Variants in ABCD3 observed in about 807,000 individuals in gnomAD.
ABCD3 encodes ATP binding cassette subfamily D member 3, also known as ATP-binding cassette sub-family D member 3.
ABCD3 carries 41 observed loss-of-function variants against 105.5 expected under a neutral mutation model. The ratio of observed to expected loss-of-function variants is 0.39; its 90% confidence interval spans 0.30 to 0.50. The LOEUF (loss-of-function observed/expected upper bound fraction) is 0.50. Among genes scored for constraint, ABCD3 ranks in the 20% least tolerant of loss-of-function variants. ABCD3 has a pLI of 0.84. For synonymous variants in ABCD3, 258 were observed against 269.0 expected (o/e 0.96, Z 0.40); for missense variants, 622 against 806.3 (o/e 0.77, Z 2.77).
At chr1:94,414,169 A>G (rs1251895184), upstream of ABCD3, among the ~76,000 whole-genome samples, 2 of 152,146 alleles carry the variant, frequency 1.3e-5, no homozygotes, top group Non-Finnish European at 2.9e-5. Flanking sequence ...TTTGTGTGAG[A>G]TGCTAAGGCT....
chr1:94,385,574 C>T, the ABCD3 span, among the ~76,000 whole-genome samples: 1 of 152,224 alleles, frequency 6.6e-6, no homozygotes, highest in Non-Finnish European at 1.5e-5. Context: ...GGCTGTCATG[C>T]ACCTGGTGGT....
chr1:94,415,012 T>C (rs997745738), upstream of ABCD3, among the ~76,000 whole-genome samples: 4 of 152,152 alleles, frequency 2.6e-5, no homozygotes, highest in African/African-American at 9.7e-5. Flanking sequence ...CCCACTCCCA[T>C]GGCTAGCAAG....
chr1:94,500,008 G>C (rs924923668), intron 20 of ABCD3, among the ~76,000 whole-genome samples: 1 of 152,226 alleles, frequency 6.6e-6, no homozygotes, highest in South Asian at 2.1e-4. Flanking sequence ...TGAAATAGCT[G>C]AAGGTATTAG....
At chr1:94,441,782 T>C (rs1660143110) in intron 1 of ABCD3, among the ~76,000 whole-genome samples, 1 of 152,114 alleles carries the variant, frequency 6.6e-6, no homozygotes, top group Admixed American at 6.5e-5. Context: ...AAATCAAATA[T>C]GTTATTTGCT....
chr1:94,488,179 C>T (rs955428702), intron 13 of ABCD3, among the ~76,000 whole-genome samples, 196 bp downstream of exon 13: 2 of 152,096 alleles, frequency 1.3e-5, no homozygotes, highest in African/African-American at 4.8e-5. Context: ...TTGCGCAGTA[C>T]AGTAGATTAG....
At chr1:94,425,375 ATACTTT>A (rs1446700674) in intron 1 of ABCD3, among the ~76,000 whole-genome samples, 1 of 152,206 alleles carries the variant, frequency 6.6e-6, no homozygotes, top group Non-Finnish European at 1.5e-5. Context: ...CTTCATAACT[ATACTTT>A]TAAAGAAATA....
At chr1:94,475,821 T>C in intron 7 of ABCD3, 84 bp downstream of exon 7, 1 of 1,071,174 alleles carries the variant, frequency 9.3e-7, no homozygotes. Flanking sequence ...ATTGATTTTG[T>C]GGACATAACA....
chr1:94,424,926 T>G (rs1381182698), intron 1 of ABCD3, among the ~76,000 whole-genome samples: 1 of 152,218 alleles, frequency 6.6e-6, no homozygotes. Flanking sequence ...GCTAGAACTG[T>G]GGCTGGAATA....
chr1:94,435,244 C>A (rs1659853850), intron 1 of ABCD3, among the ~76,000 whole-genome samples: 1 of 152,018 alleles, frequency 6.6e-6, no homozygotes, highest in South Asian at 2.1e-4. Flanking sequence ...TATTCACCAT[C>A]AGGAGATATA....
the ABCD3 span, among the ~76,000 whole-genome samples, chr1:94,406,133 C>T: frequency 6.6e-6 from 1 of 150,906 alleles, no homozygotes; most frequent in Admixed American, 6.6e-5. Context: ...AACTTTTTTT[C>T]AAATGGTTAT....
At chr1:94,408,266 A>G in the ABCD3 span, among the ~76,000 whole-genome samples, 1 of 152,200 alleles carries the variant, frequency 6.6e-6, no homozygotes, top group Admixed American at 6.5e-5. Context: ...CACCGGGATC[A>G]GGGTAGCAGA....
intron 13 of ABCD3, among the ~76,000 whole-genome samples, 169 bp from the exon 14 acceptor site, chr1:94,489,556 C>T (rs1006819474): frequency 2.1e-5 from 3 of 144,814 alleles, no homozygotes; most frequent in Non-Finnish European, 4.5e-5. Flanking sequence ...TGCTCTCCTA[C>T]TGAAACATAA....
intron 1 of ABCD3, among the ~76,000 whole-genome samples, chr1:94,439,295 C>T (rs1337133932): frequency 1.3e-5 from 2 of 152,162 alleles, no homozygotes; most frequent in Non-Finnish European, 2.9e-5. Flanking sequence ...TTGCTTTTCC[C>T]TTTTAAATGA....
chr1:94,487,944 G>A lies in ABCD3; in HGVS notation c.1118G>A (p.Arg373Gln). The change falls in exon 13 of 23, where the codon CGA becomes CAA. Residue 373 changes from arginine (R) to glutamine (Q), a missense_variant. Physicochemically the swap from Arg to Gln is conservative, Grantham distance 43. This residue lies in a region of ABCD3 where 3 missense variants were observed against 20.0 expected (regional missense o/e 0.15). Transcript: ENST00000370214. ...MLLRMSQALG[R>Q]IVLAGREMTR... ...TTGCGAATGTCTCAAGCTCTGGGTCGAATAGTTTTGGCTGGGCGTGAAATG... is the reference window on the plus strand; with the variant it reads ...TTGCGAATGTCTCAAGCTCTGGGTCAAATAGTTTTGGCTGGGCGTGAAATG... 1 of 1,613,768 alleles carries A rather than the reference G, an allele frequency of 6.2e-7. No homozygotes were observed. Among genetic ancestry groups the A allele is most frequent in the Non-Finnish European group, 8.5e-7 (1 of 1,179,840 alleles).
chr1:94,442,732 G>A (rs1195726821), intron 1 of ABCD3, among the ~76,000 whole-genome samples: 1 of 152,126 alleles, frequency 6.6e-6, no homozygotes, highest in African/African-American at 2.4e-5. Context: ...ATTTGACTTT[G>A]TTTCAAAGTT....
chr1:94,430,736 C>T (rs1276697473), intron 1 of ABCD3, among the ~76,000 whole-genome samples: 1 of 152,118 alleles, frequency 6.6e-6, no homozygotes, highest in Non-Finnish European at 1.5e-5. Context: ...AACAGACTAA[C>T]ATGGTGTCTC....
chr1:94,492,406 A>G (rs142378472), intron 16 of ABCD3, among the ~76,000 whole-genome samples: 86 of 152,350 alleles, frequency 5.6e-4, no homozygotes, highest in African/African-American at 1.9e-3. Context: ...TTCTCAATGA[A>G]TTATAAAAAT....
rs1044824565 is a variant in ABCD3, at chr1:94,494,045, GTAAC to G, written c.1386+2803_1386+2806del. On this transcript the variant is annotated intron_variant, in intron 16 of 22. Transcript: ENST00000370214. ...ACCAGCATGTCACATGTATACATATGTAACTAACCTGCACATTGTGCACATGTAC... is the reference window on the plus strand; with the variant it reads ...ACCAGCATGTCACATGTATACATATGTAACCTGCACATTGTGCACATGTAC... Among the ~76,000 whole-genome samples the G allele has an allele frequency of 2.2e-4, 33 of 152,040 alleles. 3 individuals carry two copies. In the South Asian group the frequency reaches 4.4e-3, roughly 20 times the overall value.
intron 9 of ABCD3, chr1:94,482,886 C>T (rs1003017812): frequency 1.3e-5 from 5 of 385,844 alleles, no homozygotes; most frequent in South Asian, 3.1e-5. Flanking sequence ...TCTCTAATTT[C>T]GAATTTCTGA....
Sources: allele counts gnomAD v4.1 joint callset (sites outside exome capture counted in the v4.1 genomes callset), GRCh38; gene constraint gnomAD v4.1.1; regional missense constraint gnomAD v4.1.1; transcripts MANE v1.5; gene names NCBI Gene and HGNC (gene_info 2026-07-23, HGNC 2026-07-21).